Variants in MLLT6 observed in about 807,000 individuals in gnomAD.
MLLT6 encodes the protein MLLT6, PHD finger containing.
Under a neutral mutation model 103.0 loss-of-function variants are expected in MLLT6, and 22 were observed. The ratio of observed to expected loss-of-function variants is 0.21; its 90% CI spans 0.15 to 0.31. MLLT6 has a LOEUF of 0.31. MLLT6 is among the 10% of genes least tolerant of loss of function. The probability of loss-of-function intolerance (pLI) is 1.00; values close to 1 mark genes in which losing one functional copy is unlikely to be tolerated. For missense variants in MLLT6, 1,199 were observed against 1,441.7 expected, an observed-to-expected ratio of 0.83 and a Z score of 2.73; for synonymous variants, 606 against 623.5, an observed-to-expected ratio of 0.97 and a Z score of 0.42.
At chr17:38,714,384 T>C (rs1037125133) in intron 8 of MLLT6, 6 of 152,224 alleles carry the variant, frequency 3.9e-5, no homozygotes, top group African/African-American at 7.2e-5. Flanking sequence ...TCACCACATA[T>C]GCATAGTGCT....
intron 18 of MLLT6, among the ~76,000 whole-genome samples, 184 bp downstream of exon 18, chr17:38,722,952 A>G (rs1479404221): frequency 6.6e-6 from 1 of 152,056 alleles, no homozygotes; most frequent in Non-Finnish European, 1.5e-5. Context: ...GGATAAGATC[A>G]TGCCCAGGAT....
intron 7 of MLLT6, 157 bp downstream of exon 7, chr17:38,712,171 G>A (rs1328637249): frequency 6.3e-6 from 6 of 951,232 alleles, no homozygotes; most frequent in African/African-American, 3.5e-5. Flanking sequence ...GAAATGAAAC[G>A]GTGGGGGGGT....
chr17:38,717,095 G>A (rs1359928770), intron 10 of MLLT6, 114 bp downstream of exon 10: 2 of 1,448,178 alleles, frequency 1.4e-6, no homozygotes, highest in Non-Finnish European at 1.8e-6. Flanking sequence ...AAAAGATAGA[G>A]CACGGAGGAG....
chr17:38,721,632 C>T (rs1270019810), intron 16 of MLLT6, among the ~76,000 whole-genome samples: 1 of 152,224 alleles, frequency 6.6e-6, no homozygotes, highest in Non-Finnish European at 1.5e-5. Flanking sequence ...TGGTCACCAC[C>T]ATCATCATTG....
intron 16 of MLLT6, 191 bp downstream of exon 16, chr17:38,720,938 A>G (rs1282693649): frequency 3.3e-6 from 2 of 613,940 alleles, no homozygotes; most frequent in Non-Finnish European, 5.8e-6. Flanking sequence ...TGGCTAAGCA[A>G]TCAGTGAGCA....
intron 14 of MLLT6, 158 bp from the exon 15 acceptor site, chr17:38,720,214 G>C (rs1307911395): frequency 3.9e-6 from 3 of 774,174 alleles, no homozygotes; most frequent in Non-Finnish European, 6.1e-6. Context: ...GGCTCCCCAA[G>C]TCCCGCCTCT....
Position 38,709,292 on chromosome 17 carries a change from C to T in MLLT6, c.458+16C>T, listed in dbSNP as rs775093850. ...ACGTCACCTGGTGAGACCCCTGTCC[C>T]ACCCCCCTGCCCCCCGGGTTTGTCC... is the stretch of plus-strand genomic sequence containing the variant. On this transcript the variant is annotated intron_variant, in intron 5 of 19. Transcript: ENST00000621332. This position sits in a 1 kb window ranked among gnomAD's most constrained non-coding sequence, Gnocchi z 4.3. 2 of 1,604,230 alleles carry T rather than the reference C, an allele frequency of 1.2e-6. No individual in the cohort carries two copies. The highest frequency in any genetic ancestry group is 2.2e-5 in the South Asian group (2 of 90,858).
intron 12 of MLLT6, chr17:38,719,120 TTTAATC>T (rs1453985196): frequency 1.1e-5 from 3 of 275,558 alleles, no homozygotes; most frequent in Admixed American, 9.6e-5. Flanking sequence ...ATTACCTTCT[TTTAATC>T]TTAATAACAG....
chr17:38,722,222 C>G lies in MLLT6; in HGVS notation c.2787C>G (p.Leu929=), dbSNP rs1331637857. The change falls in exon 17 of 20, where the codon CTC becomes CTG. Residue 929 remains leucine, a synonymous_variant. Transcript: ENST00000621332. ...CCACGCTGCAGCTGCCAGGCTGTCT[C>G]AACAGGTGAGGGAGAGCTCAGCCCT... The part of the protein sequence containing the change: ...GAPTLQLPGC[L]NSLTEQQRHL... The G allele has an allele frequency of 7.3e-7, 1 of 1,370,632 alleles. No individual in the cohort carries two copies. Among genetic ancestry groups the G allele is most frequent in the African/African-American group, 1.5e-5 (1 of 65,694 alleles). The allele number at this position is 1,370,632 out of a possible 1,614,324, so 84.9% of individuals were successfully genotyped here.
rs571250959 is a variant in MLLT6 at position 38,706,851 on chromosome 17, C to T, written c.110-99C>T. The T allele has an allele frequency of 2.5e-5, 24 of 963,564 alleles. No individual in the cohort carries two copies. The South Asian group carries it at 3.9e-4, about 16-fold the overall frequency. The allele number at this position is 963,564 out of a possible 1,614,324, so 59.7% of individuals were successfully genotyped here. A position where few individuals can be genotyped will look rare whatever the true frequency, so the allele number is the denominator to read the frequency against. ...TGGGGAGCAGCCCCCACTGCTGGAA[C>T]TGGCTCTAGTCCTTTGGAGTCACCG... On this transcript the variant is annotated intron_variant, in intron 1 of 19. Coordinates refer to ENST00000621332, the MANE Select transcript of MLLT6 (RefSeq NM_005937.4).
rs758705700 is a variant in MLLT6, at chr17:38,723,456, C to T, written c.2883+688C>T. Among the ~76,000 whole-genome samples, 30 of 152,218 alleles carry T rather than the reference C, an allele frequency of 2.0e-4. 2 individuals are homozygous for T. Among genetic ancestry groups the T allele is most frequent in the Admixed American group, 1.1e-3 (17 of 15,286 alleles). On this transcript the variant is annotated intron_variant, in intron 18 of 19. Coordinates refer to ENST00000621332, the MANE Select transcript of MLLT6 (RefSeq NM_005937.4). ...GCAGTGAGCTGAGATGGCGCCAATA[C>T]ACTCCAGCCTGGGTGACAGAATGAG... is the stretch of plus-strand genomic sequence containing the variant.
rs577804952 is a variant in MLLT6 at position 38,724,394 on chromosome 17, G to A, written c.2884-226G>A. The A allele has an allele frequency of 2.8e-5, 14 of 491,600 alleles. No homozygotes were observed. Among genetic ancestry groups the A allele is most frequent in the Non-Finnish European group, 4.3e-5 (12 of 279,646 alleles). The allele number at this position is 491,600 out of a possible 1,614,324, so 30.5% of individuals were successfully genotyped here. A position where few individuals can be genotyped will look rare whatever the true frequency, so the allele number is the denominator to read the frequency against. The stretch of plus-strand genomic sequence containing the variant: ...GATATTAAATACCCTGCTGTTGGCC[G>A]GCAGTGCTGCAGCTGGCAAATACCA... On this transcript the variant is annotated intron_variant, in intron 18 of 19. Transcript: ENST00000621332. This position sits in a 1 kb window ranked among gnomAD's most constrained non-coding sequence, Gnocchi z 5.4.
chr17:38,707,458 C>T (rs1198693898), intron 2 of MLLT6, 28 bp from the exon 3 acceptor site: 3 of 1,613,084 alleles, frequency 1.9e-6, no homozygotes, highest in Admixed American at 1.7e-5. Flanking sequence ...GCAGATCCCC[C>T]AACCCCTGTG....
Position 38,728,825 on chromosome 17 carries a change from G to T in MLLT6, c.*3227G>T, listed in dbSNP as rs563031616. On this transcript the variant is annotated 3_prime_UTR_variant, in exon 20 of 20. Coordinates refer to ENST00000621332, the MANE Select transcript of MLLT6 (RefSeq NM_005937.4). ...GCAGGGCTGTGCCCGGGGTGGGAGG[G>T]TGTCTATGTGGCACTGACTGTCTTA... 3.5e-4 allele frequency: 82 copies of T among 234,086 alleles called. No homozygotes were observed. The highest frequency in any genetic ancestry group is 1.8e-3 in the African/African-American group (80 of 45,484). 14.5% of individuals were successfully genotyped at this position (234,086 alleles called of 1,614,324 possible).
chr17:38,712,431 G>A (rs1234967695), intron 7 of MLLT6, among the ~76,000 whole-genome samples: 1 of 152,204 alleles, frequency 6.6e-6, no homozygotes, highest in Non-Finnish European at 1.5e-5. Flanking sequence ...TTATGTTCAC[G>A]CGCGTGGTGC....
At position 38,716,239 on chromosome 17, in the gene MLLT6, C is replaced by A; in HGVS notation, c.1037-128C>A. 1.0e-6 allele frequency: 1 copy of A among 973,042 alleles called. No homozygotes were observed. The allele number at this position is 973,042 out of a possible 1,614,324, so 60.3% of individuals were successfully genotyped here. A position where few individuals can be genotyped will look rare whatever the true frequency, so the allele number is the denominator to read the frequency against. On this transcript the variant is annotated intron_variant, in intron 9 of 19. Transcript: ENST00000621332. This position sits in a 1 kb window ranked among gnomAD's most constrained non-coding sequence, Gnocchi z 5.6. ...ACTCATCCCAGGACACAGACAGTGG[C>A]AGAGCTGAGACAGGAAACCAGGCAT...
At position 38,705,601 on chromosome 17, in the gene MLLT6, C is replaced by T; in HGVS notation, c.-32C>T. 1 of 1,362,206 alleles carries T rather than the reference C, an allele frequency of 7.3e-7. No individual in the cohort carries two copies. The allele number at this position is 1,362,206 out of a possible 1,614,324, so 84.4% of individuals were successfully genotyped here. On this transcript the variant is annotated 5_prime_UTR_variant, in exon 1 of 20. Transcript: ENST00000621332. Reference sequence around the variant, plus strand: ...CCCCCGACCCCCGCCGGCCGGCCCCCCGCCCCAGCCCCGGAGGGAGCTCAT... The same window carrying T: ...CCCCCGACCCCCGCCGGCCGGCCCCTCGCCCCAGCCCCGGAGGGAGCTCAT...
At chr17:38,719,093 G>C (rs1167193239) in intron 12 of MLLT6, 1 of 244,646 alleles carries the variant, frequency 4.1e-6, no homozygotes, top group Admixed American at 5.0e-5. Context: ...AACCCTTCAG[G>C]TAAACACTTC....
At position 38,717,562 on chromosome 17, in the gene MLLT6, C is replaced by T. The variant is rs553241411; in HGVS notation, c.1782C>T (p.Ser594=). ...GTSALPRLSR[S]PFTSTLPSSS... ...CGGCCCTGCCCCGCCTCAGCCGCTC[C>T]CCGTTCACCAGCACCCTCCCCTCCT... is the stretch of plus-strand genomic sequence containing the variant. Residue 594 remains serine, a synonymous_variant, in exon 11 of 20, where the codon TCC becomes TCT. Transcript: ENST00000621332. The T allele has an allele frequency of 6.2e-7, 1 of 1,613,972 alleles. No homozygotes were observed. The highest frequency in any genetic ancestry group is 8.5e-7 in the Non-Finnish European group (1 of 1,179,948).
Sources: allele counts gnomAD v4.1 joint callset (sites outside exome capture counted in the v4.1 genomes callset), GRCh38; gene constraint gnomAD v4.1.1; non-coding constraint Gnocchi (gnomAD v3.1); transcripts MANE v1.5; gene names NCBI Gene and HGNC (gene_info 2026-07-23, HGNC 2026-07-21).